The following GPC5 variants were observed in gnomAD, a reference collection of about 807,000 sequenced individuals.
GPC5 encodes glypican-5.
In GPC5, 47 loss-of-function variants were observed where a neutral mutation model predicts 53.9. The observed-to-expected ratio is 0.87, with a 90% CI of 0.69 to 1.11. GPC5 has a LOEUF of 1.11. Ranked by LOEUF, GPC5 falls within the 50% of genes most tolerant of loss-of-function variation. GPC5 has a pLI of 0.00. For synonymous variants in GPC5, 286 were observed against 263.3 expected (o/e 1.09, Z -0.84); for missense variants, 748 against 713.1 (o/e 1.05, Z -0.56).
chr13:92,696,038 T>A (rs1368049415), intron 7 of GPC5, among the ~76,000 whole-genome samples: 4 of 152,184 alleles, frequency 2.6e-5, no homozygotes, highest in Non-Finnish European at 5.9e-5. Context: ...TCATCCTTTT[T>A]TATGGCTGCA....
At position 91,814,543 on chromosome 13, in the gene GPC5, T is replaced by C. The variant is rs1025069644; in HGVS notation, c.1280+58123T>C. Among the ~76,000 whole-genome samples the C allele has an allele frequency of 3.5e-3, 526 of 152,046 alleles. 2 individuals carry two copies. Among genetic ancestry groups the C allele is most frequent in the Non-Finnish European group, 4.0e-3 (270 of 67,980 alleles). ...TCTGCAACTTTATTTATTTATTTAT[T>C]TATTTATTTATTTTGAGACAGAGTT... On this transcript the variant is annotated intron_variant, in intron 5 of 7. Coordinates refer to ENST00000377067, the MANE Select transcript of GPC5 (RefSeq NM_004466.6).
intron 7 of GPC5, among the ~76,000 whole-genome samples, chr13:92,159,577 C>CACTAATA (rs1350372739): frequency 6.9e-5 from 10 of 143,898 alleles, no homozygotes; most frequent in Non-Finnish European, 1.4e-4. Flanking sequence ...TCTATGTAAT[C>CACTAATA]ACTAATACCA....
intron 5 of GPC5, among the ~76,000 whole-genome samples, chr13:91,878,069 G>A (rs1255448390): frequency 3.3e-5 from 5 of 152,062 alleles, no homozygotes; most frequent in Non-Finnish European, 5.9e-5. Context: ...ATGTGGAACC[G>A]TAAGTCCAAT....
intron 1 of GPC5, among the ~76,000 whole-genome samples, chr13:91,427,751 C>G (rs1418042249): frequency 6.6e-6 from 1 of 152,124 alleles, no homozygotes; most frequent in African/African-American, 2.4e-5. Context: ...TATGGTTTGG[C>G]TGTGTCCCCA....
chr13:92,481,390 C>T (rs12861382), intron 7 of GPC5, among the ~76,000 whole-genome samples: 11 of 152,190 alleles, frequency 7.2e-5, no homozygotes, highest in South Asian at 2.1e-4. Flanking sequence ...CATGACCCAC[C>T]GCGCCTGGCC....
intron 7 of GPC5, among the ~76,000 whole-genome samples, chr13:92,491,837 A>G (rs1879772433): frequency 1.3e-5 from 2 of 152,124 alleles, no homozygotes; most frequent in Non-Finnish European, 2.9e-5. Context: ...TTATTATACT[A>G]TGTCAAGTAA....
chr13:92,619,546 AGAT>A (rs1303457748), intron 7 of GPC5, among the ~76,000 whole-genome samples: 3 of 152,014 alleles, frequency 2.0e-5, no homozygotes, highest in Non-Finnish European at 4.4e-5. Flanking sequence ...AAGAGTACAA[AGAT>A]GATAAGATTT....
intron 5 of GPC5, among the ~76,000 whole-genome samples, chr13:91,790,372 C>T (rs345444): frequency 2.6e-4 from 39 of 151,972 alleles, no homozygotes; most frequent in Admixed American, 2.6e-3. Context: ...GTTAGTGATG[C>T]TTTTCTTGCC....
At chr13:91,898,169 A>G (rs2039462982) in intron 5 of GPC5, among the ~76,000 whole-genome samples, 1 of 152,210 alleles carries the variant, frequency 6.6e-6, no homozygotes, top group Non-Finnish European at 1.5e-5. Flanking sequence ...AAAGCATCCT[A>G]TAAGAAAAGA....
chr13:92,540,263 T>C (rs1881891571), intron 7 of GPC5, among the ~76,000 whole-genome samples: 1 of 151,990 alleles, frequency 6.6e-6, no homozygotes, highest in African/African-American at 2.4e-5. Context: ...TCAGTGCTTT[T>C]CTCTTCTTCT....
At chr13:91,406,623 C>T (rs1036130050) in intron 1 of GPC5, among the ~76,000 whole-genome samples, 5 of 152,198 alleles carry the variant, frequency 3.3e-5, no homozygotes, top group African/African-American at 7.2e-5. Context: ...CATTGATACC[C>T]TTCAAAGTTC....
At chr13:92,299,492 C>G (rs148100897) in intron 7 of GPC5, among the ~76,000 whole-genome samples, 2 of 152,262 alleles carry the variant, frequency 1.3e-5, no homozygotes, top group Non-Finnish European at 2.9e-5. Context: ...ATACTAACAA[C>G]TACTTGTAAA....
At chr13:91,863,131 C>T (rs1423254979) in intron 5 of GPC5, among the ~76,000 whole-genome samples, 1 of 144,572 alleles carries the variant, frequency 6.9e-6, no homozygotes, top group Non-Finnish European at 1.5e-5. Context: ...TTTAGGTTTT[C>T]TGAGATTTCC....
intron 7 of GPC5, among the ~76,000 whole-genome samples, chr13:92,236,379 TCTAA>T (rs1355574943): frequency 1.3e-5 from 2 of 152,048 alleles, no homozygotes; most frequent in South Asian, 2.1e-4. Context: ...ATGATGTAAA[TCTAA>T]CTAACCTATA....
intron 6 of GPC5, among the ~76,000 whole-genome samples, chr13:92,026,302 T>G (rs1356907500): frequency 1.3e-5 from 2 of 152,012 alleles, no homozygotes; most frequent in East Asian, 1.9e-4. Flanking sequence ...TGATAATATA[T>G]GTATTAGATT....
At chr13:92,186,897 G>C (rs1159360495) in intron 7 of GPC5, among the ~76,000 whole-genome samples, 2 of 152,090 alleles carry the variant, frequency 1.3e-5, no homozygotes, top group East Asian at 3.9e-4. Flanking sequence ...GGATCACATG[G>C]GGTTAGGAGT....
chr13:91,975,743 C>T (rs944950186), intron 6 of GPC5, among the ~76,000 whole-genome samples: 26 of 152,242 alleles, frequency 1.7e-4, no homozygotes, highest in African/African-American at 6.0e-4. Context: ...ACTAGAAATA[C>T]CATTTGACCC....
chr13:91,604,387 A>G (rs1454032664), intron 2 of GPC5, among the ~76,000 whole-genome samples: 2 of 151,462 alleles, frequency 1.3e-5, no homozygotes, highest in South Asian at 2.1e-4. Context: ...AGTCTTTGCT[A>G]TTGTGAATAA....
chr13:91,728,486 G>A (rs1274497665), intron 3 of GPC5, 46 bp from the exon 4 acceptor site: 1 of 1,579,574 alleles, frequency 6.3e-7, no homozygotes, highest in Non-Finnish European at 8.6e-7. Context: ...TCTCAGAAAG[G>A]TGGAGTACGA....
Sources: allele counts gnomAD v4.1 joint callset (sites outside exome capture counted in the v4.1 genomes callset), GRCh38; gene constraint gnomAD v4.1.1; transcripts MANE v1.5; gene names NCBI Gene and HGNC (gene_info 2026-07-23, HGNC 2026-07-21).